ALMS1: variants seen among roughly 807,000 people sequenced by gnomAD.
ALMS1 encodes the protein centrosome-associated protein ALMS1.
In ALMS1, 271 loss-of-function variants were observed where a neutral mutation model predicts 352.2. The ratio of observed to expected loss-of-function variants is 0.77; its 90% CI spans 0.70 to 0.85. The LOEUF (loss-of-function observed/expected upper bound fraction) is 0.85, where lower values mean the gene tolerates loss of function less well. ALMS1 is among the 40% of genes least tolerant of loss of function. The pLI is 0.00. For synonymous variants in ALMS1, 1,865 were observed against 1,761.2 expected, an observed-to-expected ratio of 1.06 and a Z score of -1.48; for missense variants, 5,445 against 4,870.7, an observed-to-expected ratio of 1.12 and a Z score of -3.51.
At chr2:73,430,931 G>GTA (rs1048501419) in intron 6 of ALMS1, among the ~76,000 whole-genome samples, 4 of 151,876 alleles carry the variant, frequency 2.6e-5, no homozygotes, top group South Asian at 4.1e-4. Flanking sequence ...GTATATATGT[G>GTA]TATATATATA....
rs369564058 is a variant in ALMS1, at chr2:73,450,612, T to G, written c.4085T>G (p.Val1362Gly). Residue 1362 changes from valine to glycine, a missense_variant, in exon 8 of 23, where the codon GTT becomes GGT. Physicochemically the swap from Val to Gly is moderately radical, Grantham distance 109. Coordinates refer to ENST00000613296, the MANE Select transcript of ALMS1 (RefSeq NM_001378454.1). ...HPTEEALKISVASEPVDQTTG... is the reference protein window; with the variant it reads ...HPTEEALKISGASEPVDQTTG... ...ACTGAAGAGGCTCTGAAAATTTCAG[T>G]TGCCTCTGAACCAGTTGACCAGACA... 1 of 1,612,676 alleles carries G rather than the reference T, an allele frequency of 6.2e-7. No individual in the cohort carries two copies. The highest frequency in any genetic ancestry group is 1.3e-5 in the African/African-American group (1 of 74,390).
rs747436819 is a variant in ALMS1 at position 73,568,995 on chromosome 2, C to CTTTTTTTTTTTTTTTTT, written c.10385-3246_10385-3230dup. 2.4e-4 allele frequency among the ~76,000 whole-genome samples: 13 copies of CTTTTTTTTTTTTTTTTT among 53,556 alleles called. 3 individuals are homozygous for CTTTTTTTTTTTTTTTTT. The highest frequency in any genetic ancestry group is 4.1e-4 in the African/African-American group (5 of 12,314). 35.1% of individuals were successfully genotyped at this position (53,556 alleles called of 152,430 possible). ...AGCTTGCTTGCTGCTGCTTCTGCTT[C>CTTTTTTTTTTTTTTTTT]TTTTTTTTTTTTTTTTTTTTTTTTT... On this transcript the variant is annotated intron_variant, in intron 15 of 22. Transcript: ENST00000613296.
intron 12 of ALMS1, among the ~76,000 whole-genome samples, chr2:73,535,788 C>T (rs1674014488): frequency 1.3e-5 from 2 of 151,972 alleles, no homozygotes; most frequent in Admixed American, 6.6e-5. Flanking sequence ...ATTGGTGGGA[C>T]AGTATTTTGA....
At chr2:73,497,271 G>T (rs147460375) in intron 10 of ALMS1, among the ~76,000 whole-genome samples, 2 of 152,048 alleles carry the variant, frequency 1.3e-5, no homozygotes, top group East Asian at 3.9e-4. Flanking sequence ...TATGCTTCTA[G>T]ATATGGGTTT....
chr2:73,559,025 A>G lies in ALMS1; in HGVS notation c.10267A>G (p.Met3423Val), dbSNP rs1674601994. The G allele has an allele frequency of 6.2e-7, 1 of 1,614,122 alleles. No homozygotes were observed. Among genetic ancestry groups the G allele is most frequent in the Non-Finnish European group, 8.5e-7 (1 of 1,179,964 alleles). ...EHSAQVGDPE[M>V]KNLPDTKAIT... ...CTCAGCTCAAGTAGGAGACCCAGAAATGAAGAACTTGCCAGACACTAAAGC... is the reference window on the plus strand; with the variant it reads ...CTCAGCTCAAGTAGGAGACCCAGAAGTGAAGAACTTGCCAGACACTAAAGC... Residue 3423 changes from methionine (M) to valine (V), a missense_variant, in exon 15 of 23, where the codon ATG becomes GTG. Met to Val is a conservative substitution (Grantham distance 21). Transcript: ENST00000613296.
At chr2:73,556,632 C>A (rs1194639601) in intron 13 of ALMS1, among the ~76,000 whole-genome samples, 1 of 116,464 alleles carries the variant, frequency 8.6e-6, no homozygotes, top group Non-Finnish European at 1.7e-5. Flanking sequence ...CCTGATCTTT[C>A]CTTTTTTTTT....
chr2:73,474,871 A>G (rs1374060610), intron 9 of ALMS1, among the ~76,000 whole-genome samples: 2 of 152,100 alleles, frequency 1.3e-5, no homozygotes, highest in Non-Finnish European at 2.9e-5. Flanking sequence ...CAATAGCATA[A>G]TTTTAGAACT....
intron 2 of ALMS1, among the ~76,000 whole-genome samples, chr2:73,414,473 G>GTTTTTTTTTT (rs61660489): frequency 4.1e-4 from 27 of 66,404 alleles, no homozygotes; most frequent in African/African-American, 5.1e-4. Flanking sequence ...CTTTTTTTCC[G>GTTTTTTTTTT]TTTTTTTTTT....
intron 9 of ALMS1, among the ~76,000 whole-genome samples, chr2:73,456,246 A>T (rs375020302): frequency 6.6e-6 from 1 of 152,136 alleles, no homozygotes; most frequent in African/African-American, 2.4e-5. Flanking sequence ...AATCAATATG[A>T]TACATATTCT....
chr2:73,592,278 T>C (rs748511247), intron 16 of ALMS1, among the ~76,000 whole-genome samples: 4 of 152,214 alleles, frequency 2.6e-5, no homozygotes, highest in Non-Finnish European at 4.4e-5. Context: ...AGGTAAGTAA[T>C]AGATAGTTAC....
intron 12 of ALMS1, among the ~76,000 whole-genome samples, chr2:73,546,729 C>G (rs542700507): frequency 4.6e-5 from 7 of 152,154 alleles, no homozygotes; most frequent in African/African-American, 1.7e-4. Flanking sequence ...GAGAATGTTC[C>G]GGCGAGAGGG....
intron 10 of ALMS1, among the ~76,000 whole-genome samples, chr2:73,495,931 CTAGAG>C (rs1296705600): frequency 6.6e-6 from 1 of 152,148 alleles, no homozygotes; most frequent in Non-Finnish European, 1.5e-5. Context: ...AATTCTGCAT[CTAGAG>C]TACAGTGTTT....
intron 16 of ALMS1, among the ~76,000 whole-genome samples, chr2:73,588,415 T>C (rs1209399905): frequency 6.6e-6 from 1 of 152,100 alleles, no homozygotes; most frequent in Non-Finnish European, 1.5e-5. Context: ...ACTGTGTCTG[T>C]TGTGTGTCTC....
At chr2:73,568,579 T>A (rs1000321517) in intron 15 of ALMS1, among the ~76,000 whole-genome samples, 3 of 152,204 alleles carry the variant, frequency 2.0e-5, no homozygotes, top group Admixed American at 6.5e-5. Context: ...TTACTCTACT[T>A]GGCAGGAATT....
chr2:73,450,626 G>T lies in ALMS1; in HGVS notation c.4099G>T (p.Val1367Phe). The T allele has an allele frequency of 6.2e-7, 1 of 1,612,808 alleles. No homozygotes were observed. Among genetic ancestry groups the T allele is most frequent in the Non-Finnish European group, 8.5e-7 (1 of 1,179,792 alleles). Residue 1367 changes from valine to phenylalanine, a missense_variant, in exon 8 of 23, where the codon GTT (valine) becomes TTT (phenylalanine). Val to Phe is a conservative substitution (Grantham distance 50, BLOSUM62 -1). Transcript: ENST00000613296. ...GAAAATTTCAGTTGCCTCTGAACCA[G>T]TTGACCAGACAACTGGCACACCAAC... is the stretch of plus-strand genomic sequence containing the variant. ...ALKISVASEP[V>F]DQTTGTPTVT... is the part of the protein sequence containing the mutation.
chr2:73,448,634 G>A lies in ALMS1; in HGVS notation c.2107G>A (p.Asp703Asn). The change falls in exon 8 of 23, where the codon GAC becomes AAC. Residue 703 changes from aspartate (D) to asparagine (N), a missense_variant. Asp to Asn is a conservative substitution (Grantham distance 23, BLOSUM62 1). Coordinates refer to ENST00000613296, the MANE Select transcript of ALMS1 (RefSeq NM_001378454.1). ...AGTCTCAGCTGTGTCTGGACCAGCT[G>A]ACCAGAAGACTGGGACAGCAACAGT... Reference protein sequence around the residue: ...LKVSAVSGPADQKTGTATVLS... With the variant: ...LKVSAVSGPANQKTGTATVLS... 1 of 1,613,772 alleles carries A rather than the reference G, an allele frequency of 6.2e-7. No individual in the cohort carries two copies.
chr2:73,427,990 A>G (rs1668196700), intron 6 of ALMS1, among the ~76,000 whole-genome samples: 1 of 152,202 alleles, frequency 6.6e-6, no homozygotes, highest in African/African-American at 2.4e-5. Flanking sequence ...TTGGTAGAAA[A>G]TGAACAAAGA....
At chr2:73,467,353 T>C (rs952951778) in intron 9 of ALMS1, among the ~76,000 whole-genome samples, 2 of 152,124 alleles carry the variant, frequency 1.3e-5, no homozygotes, top group African/African-American at 4.8e-5. Context: ...ACAGTAAGCA[T>C]TTGAAAACAT....
chr2:73,524,428 G>T (rs1303862388), intron 11 of ALMS1, among the ~76,000 whole-genome samples: 1 of 152,036 alleles, frequency 6.6e-6, no homozygotes, highest in Non-Finnish European at 1.5e-5. Flanking sequence ...TAACAATCCA[G>T]TTACATTATT....
Sources: allele counts gnomAD v4.1 joint callset (sites outside exome capture counted in the v4.1 genomes callset), GRCh38; gene constraint gnomAD v4.1.1; transcripts MANE v1.5; gene names NCBI Gene and HGNC (gene_info 2026-07-23, HGNC 2026-07-21).